The following SHROOM2 variants were observed in gnomAD, a reference collection of about 807,000 sequenced individuals.
The protein encoded by SHROOM2 is protein Shroom2.
In SHROOM2, 33 loss-of-function variants were observed where a neutral mutation model predicts 75.9. The ratio of observed to expected loss-of-function variants is 0.43; its 90% CI spans 0.33 to 0.58. SHROOM2 has a LOEUF of 0.58. Among genes scored for constraint, SHROOM2 ranks in the 20% least tolerant of loss-of-function variants. The probability of loss-of-function intolerance (pLI) is 0.04; values close to 1 mark genes in which losing one functional copy is unlikely to be tolerated. For missense variants in SHROOM2, 1,434 were observed against 1,461.2 expected, an observed-to-expected ratio of 0.98 and a Z score of 0.30; for synonymous variants, 655 against 663.6, an observed-to-expected ratio of 0.99 and a Z score of 0.20.
chrX:9,809,845 T>C lies in SHROOM2; in HGVS notation c.165+23135T>C, dbSNP rs1253441553. ...CACGATGCCAGCCAATTTTTTTGTG[T>C]GTGTGTTTTTAGTAGAGACGGGGTT... On this transcript the variant is annotated intron_variant, in intron 1 of 9. Coordinates refer to ENST00000380913, the MANE Select transcript of SHROOM2 (RefSeq NM_001649.4). Among the ~76,000 whole-genome samples the C allele has an allele frequency of 2.7e-5, 3 of 111,125 alleles. No homozygotes were observed. In the East Asian group the frequency reaches 8.5e-4, roughly 32 times the overall value.
At chrX:9,795,114 T>TTTCC (rs1375988900) in intron 1 of SHROOM2, among the ~76,000 whole-genome samples, 1 of 103,076 alleles carries the variant, frequency 9.7e-6, no homozygotes, top group East Asian at 2.9e-4. Context: ...TCTTTCTTTC[T>TTTCC]TTCTTTTTTT....
In SHROOM2 at chrX:9,940,679, G is replaced by A. The variant is rs145068681; in HGVS notation, c.4311+1313G>A. ...TCTCCCTGCTTTCCCGCAGCCACACGCTTATGATGTCGCACATTCCTGCAA... is the reference window on the plus strand; with the variant it reads ...TCTCCCTGCTTTCCCGCAGCCACACACTTATGATGTCGCACATTCCTGCAA... On this transcript the variant is annotated intron_variant, in intron 8 of 9. Transcript: ENST00000380913. Among the ~76,000 whole-genome samples, 332 of 112,587 alleles carry A rather than the reference G, an allele frequency of 2.9e-3. 3 individuals carry two copies. The highest frequency in any genetic ancestry group is 0.01 in the African/African-American group (320 of 31,066).
At chrX:9,792,077 A>T in intron 1 of SHROOM2, among the ~76,000 whole-genome samples, 1 of 9,118 alleles carries the variant, frequency 1.1e-4, no homozygotes, top group Non-Finnish European at 2.4e-4. Context: ...AATAGAATAG[A>T]ATAGAATAGA....
At chrX:9,932,946 G>A in intron 6 of SHROOM2, 76 bp downstream of exon 6, 1 of 874,017 alleles carries the variant, frequency 1.1e-6, no homozygotes, top group South Asian at 2.5e-5. Flanking sequence ...GTCTTTCTGG[G>A]GAGTCACCTG....
At chrX:9,877,126 C>T (rs1016070854) in intron 2 of SHROOM2, among the ~76,000 whole-genome samples, 1 of 111,846 alleles carries the variant, frequency 8.9e-6, no homozygotes, top group African/African-American at 3.3e-5. Context: ...TTTCACAAAG[C>T]GGTGGCATCT....
chrX:9,907,829 C>T (rs775337098), intron 5 of SHROOM2, among the ~76,000 whole-genome samples: 52 of 111,881 alleles, frequency 4.6e-4, no homozygotes, highest in African/African-American at 1.7e-3. Context: ...TGCTCACAGG[C>T]GGCCTGTGGC....
chrX:9,915,199 C>G lies in SHROOM2; in HGVS notation c.2891+16909C>G, dbSNP rs975191351. The stretch of plus-strand genomic sequence containing the variant: ...TGAAGTTTAAATTATTTCCCAGGTC[C>G]CTTCCAGCTGTAGTCATTTTTGGTT... On this transcript the variant is annotated intron_variant, in intron 5 of 9. Coordinates refer to ENST00000380913, the MANE Select transcript of SHROOM2 (RefSeq NM_001649.4). 2.7e-5 allele frequency among the ~76,000 whole-genome samples: 3 copies of G among 111,138 alleles called. No homozygotes were observed. In the Admixed American group the frequency reaches 2.9e-4, roughly 11 times the overall value.
At chrX:9,792,867 G>A (rs1056551448) in intron 1 of SHROOM2, among the ~76,000 whole-genome samples, 8 of 109,719 alleles carry the variant, frequency 7.3e-5, no homozygotes, top group African/African-American at 2.0e-4. Context: ...ACACCACCAC[G>A]CCCTGCTAAT....
intron 1 of SHROOM2, among the ~76,000 whole-genome samples, chrX:9,852,412 G>A (rs932666366): frequency 2.7e-5 from 3 of 112,297 alleles, no homozygotes; most frequent in Admixed American, 1.9e-4. Flanking sequence ...CTCCTTGCTG[G>A]CTTTTCATGG....
intron 1 of SHROOM2, among the ~76,000 whole-genome samples, chrX:9,797,023 ACT>A (rs1440617887): frequency 9.0e-6 from 1 of 111,176 alleles, no homozygotes; most frequent in Non-Finnish European, 1.9e-5. Context: ...CTGTGACAAG[ACT>A]CTATTTCTTC....
At chrX:9,818,418 G>T in intron 1 of SHROOM2, 1 of 246,345 alleles carries the variant, frequency 4.1e-6, no homozygotes, top group Non-Finnish European at 8.1e-6. Flanking sequence ...GAATCTCTTT[G>T]GCAGGTTCTT....
chrX:9,815,606 A>ATCTATATCTATATCTATATCTATATCTAT (rs201276026), intron 1 of SHROOM2, among the ~76,000 whole-genome samples: 1 of 108,311 alleles, frequency 9.2e-6, no homozygotes, highest in African/African-American at 3.4e-5. Context: ...CTATATCTAT[A>ATCTATATCTATATCTATATCTATATCTAT]AAGGGGAGTT....
At chrX:9,844,740 G>A (rs907006690) in intron 1 of SHROOM2, among the ~76,000 whole-genome samples, 9 of 110,779 alleles carry the variant, frequency 8.1e-5, no homozygotes, top group East Asian at 2.8e-4. Context: ...GCTTGAACCC[G>A]GGAGGCAAAG....
chrX:9,792,757 G>T (rs984361781), intron 1 of SHROOM2, among the ~76,000 whole-genome samples: 3 of 109,075 alleles, frequency 2.8e-5, no homozygotes, highest in Admixed American at 9.8e-5. Flanking sequence ...TTCTTGCTCT[G>T]TCTCCCACAC....
intron 5 of SHROOM2, among the ~76,000 whole-genome samples, chrX:9,919,666 C>A (rs887190439): frequency 4.5e-5 from 5 of 110,534 alleles, no homozygotes; most frequent in Non-Finnish European, 7.6e-5. Context: ...GGAATGGCTT[C>A]CTTGGGGAGG....
chrX:9,897,816 C>A (rs911373240), intron 4 of SHROOM2, among the ~76,000 whole-genome samples: 2 of 111,779 alleles, frequency 1.8e-5, no homozygotes, highest in Non-Finnish European at 3.8e-5. Context: ...GTGTTTATTT[C>A]CACTGTTGGA....
intron 1 of SHROOM2, among the ~76,000 whole-genome samples, chrX:9,789,848 A>G (rs910558215): frequency 4.5e-5 from 5 of 112,151 alleles, no homozygotes; most frequent in African/African-American, 1.3e-4. Flanking sequence ...CAAAGAAGAC[A>G]GTAACTTGGG....
chrX:9,893,045 A>G (rs1399337367), intron 3 of SHROOM2, among the ~76,000 whole-genome samples: 3 of 111,808 alleles, frequency 2.7e-5, no homozygotes, highest in African/African-American at 9.8e-5. Context: ...AGTGTCAATA[A>G]CTCTGTAGGG....
At position 9,896,511 on chromosome X, in the gene SHROOM2, G is replaced by A. The variant is rs148686929; in HGVS notation, c.2603G>A (p.Arg868Gln). The change falls in exon 4 of 10, where the codon CGG becomes CAG. Residue 868 changes from arginine (R) to glutamine (Q), a missense_variant. Physicochemically the swap from Arg to Gln is conservative, Grantham distance 43. Transcript: ENST00000380913. ...AEKAGTSDLP[R>Q]RLGTFAEYQA... ...AAGGCAGGGACTTCAGACCTGCCGC[G>A]GAGGCTCGGCACCTTTGCAGAGTAT... is the stretch of plus-strand genomic sequence containing the variant. 242 of 1,209,569 alleles carry A rather than the reference G, an allele frequency of 2.0e-4. No homozygotes were observed. In the African/African-American group the frequency reaches 3.3e-3, roughly 17 times the overall value.
Sources: gnomAD v4.1 joint callset for allele counts (sites outside exome capture counted in the v4.1 genomes callset) on GRCh38, gnomAD v4.1.1 for gene constraint, MANE v1.5 for transcripts, NCBI Gene and HGNC (gene_info 2026-07-23, HGNC 2026-07-21) for gene names.